RABEPK: variants seen among roughly 807,000 people sequenced by gnomAD.
The protein encoded by RABEPK is 40 kDa Rab9 effector protein.
Under a neutral mutation model 34.1 loss-of-function variants are expected in RABEPK, and 27 were observed. The ratio of observed to expected loss-of-function variants is 0.79; its 90% CI spans 0.58 to 1.09. The LOEUF is 1.09. Among genes scored for constraint, RABEPK ranks in the 50% least tolerant of loss-of-function variants. The probability of loss-of-function intolerance (pLI) is 0.00; values close to 1 mark genes in which losing one functional copy is unlikely to be tolerated. For synonymous variants in RABEPK, 172 were observed against 169.2 expected, an observed-to-expected ratio of 1.02 and a Z score of -0.13; for missense variants, 449 against 462.6, an observed-to-expected ratio of 0.97 and a Z score of 0.27.
At chr9:125,216,985 A>C (rs1348588354) in intron 4 of RABEPK, among the ~76,000 whole-genome samples, 1 of 151,736 alleles carries the variant, frequency 6.6e-6, no homozygotes, top group African/African-American at 2.4e-5. Context: ...AAAAAAAAGA[A>C]GAAAGTGATA....
chr9:125,218,321 CAAAAAAA>C (rs71374234), intron 4 of RABEPK, among the ~76,000 whole-genome samples: 22 of 41,166 alleles, frequency 5.3e-4, no homozygotes, highest in South Asian at 1.2e-3. Flanking sequence ...GACTCCGTCT[CAAAAAAA>C]AAAAAAAAAA....
In RABEPK at chr9:125,203,056, A is replaced by C. The variant is rs780883446; in HGVS notation, c.43A>C (p.Lys15Gln). 1 of 1,613,458 alleles carries C rather than the reference A, an allele frequency of 6.2e-7. No homozygotes were observed. The highest frequency in any genetic ancestry group is 1.1e-5 in the South Asian group (1 of 91,076). ...PVLEPGDKPR[K>Q]ATWYTLTVPG... ...CTTGGAACCTGGAGACAAGCCCAGGAAAGCAACATGGTCTGTAAGGAAGGA... is the reference window on the plus strand; with the variant it reads ...CTTGGAACCTGGAGACAAGCCCAGGCAAGCAACATGGTCTGTAAGGAAGGA... Residue 15 changes from lysine to glutamine, a missense_variant, in exon 2 of 8, where the codon AAA becomes CAA. Physicochemically the swap from Lys to Gln is moderately conservative, Grantham distance 53 (BLOSUM62 1). Transcript: ENST00000373538.
At chr9:125,227,043 G>A (rs1002739933) in intron 5 of RABEPK, among the ~76,000 whole-genome samples, 1 of 151,332 alleles carries the variant, frequency 6.6e-6, no homozygotes, top group Non-Finnish European at 1.5e-5. Flanking sequence ...GGTGTTGCAT[G>A]CCTGTAATCC....
In RABEPK at chr9:125,227,900, A is replaced by C; in HGVS notation, c.527-10A>C. 6.5e-7 allele frequency: 1 copy of C among 1,531,294 alleles called. No homozygotes were observed. Among genetic ancestry groups the C allele is most frequent in the Non-Finnish European group, 8.8e-7 (1 of 1,135,312 alleles). 94.9% of individuals were successfully genotyped at this position (1,531,294 alleles called of 1,614,324 possible). A position where few individuals can be genotyped will look rare whatever the true frequency, so the allele number is the denominator to read the frequency against. Reference sequence around the variant, plus strand: ...TTTGCCATTTGATGTTATTGAATTTACTTTTCTAGACACTCTGACCTGGTC... The same window carrying C: ...TTTGCCATTTGATGTTATTGAATTTCCTTTTCTAGACACTCTGACCTGGTC... On this transcript the variant is annotated splice_polypyrimidine_tract_variant and intron_variant, in intron 5 of 7. Transcript: ENST00000373538.
chr9:125,215,064 A>G (rs1317217020), intron 4 of RABEPK, among the ~76,000 whole-genome samples: 2 of 152,040 alleles, frequency 1.3e-5, no homozygotes, highest in African/African-American at 2.4e-5. Flanking sequence ...TGCTGGGATT[A>G]CAGGCATCAG....
intron 5 of RABEPK, chr9:125,221,058 G>A (rs1360622855): frequency 6.3e-6 from 1 of 159,602 alleles, no homozygotes; most frequent in African/African-American, 2.4e-5. Flanking sequence ...TTACTCAGGA[G>A]GCTGAGGCAG....
chr9:125,214,475 A>G (rs1830793400), intron 4 of RABEPK, among the ~76,000 whole-genome samples: 1 of 152,198 alleles, frequency 6.6e-6, no homozygotes, highest in Non-Finnish European at 1.5e-5. Flanking sequence ...CAAAAGTACA[A>G]AGTTCCTAAC....
chr9:125,202,784 C>G (rs1829989315), intron 1 of RABEPK, among the ~76,000 whole-genome samples: 1 of 152,034 alleles, frequency 6.6e-6, no homozygotes. Context: ...GAGCTGAGAT[C>G]TTGCCATTGC....
intron 2 of RABEPK, among the ~76,000 whole-genome samples, chr9:125,205,695 GC>G: frequency 6.6e-6 from 1 of 152,166 alleles, no homozygotes; most frequent in South Asian, 2.1e-4. Context: ...TCATCATGTT[GC>G]CCAGGATGGT....
At chr9:125,216,168 C>A (rs1317430290) in intron 4 of RABEPK, among the ~76,000 whole-genome samples, 1 of 152,050 alleles carries the variant, frequency 6.6e-6, no homozygotes. Context: ...TGGTGCATGC[C>A]TGTAGTCCCA....
Position 125,227,996 on chromosome 9 carries a change from C to T in RABEPK, c.613C>T (p.Leu205Phe), listed in dbSNP as rs1363233722. 3.1e-6 allele frequency: 5 copies of T among 1,607,244 alleles called. No individual in the cohort carries two copies. The highest frequency in any genetic ancestry group is 1.3e-5 in the African/African-American group (1 of 74,686). The change falls in exon 6 of 8, where the codon CTC becomes TTC. Residue 205 changes from leucine to phenylalanine, a missense_variant. Transcript: ENST00000373538. Reference protein sequence around the residue: ...GHVMVAAGTKLFIHGGLAGDR... With the variant: ...GHVMVAAGTKFFIHGGLAGDR... Reference sequence around the variant, plus strand: ...TGTGATGGTGGCAGCAGGGACAAAGCTCTTCATCCACGGAGGCTTGGCGGG... The same window carrying T: ...TGTGATGGTGGCAGCAGGGACAAAGTTCTTCATCCACGGAGGCTTGGCGGG...
intron 5 of RABEPK, among the ~76,000 whole-genome samples, chr9:125,226,149 CAAA>C (rs56728571): frequency 1.0e-4 from 10 of 96,432 alleles, no homozygotes; most frequent in Admixed American, 2.3e-4. Context: ...GACTTTGTCT[CAAA>C]AAAAAAAAAA....
At chr9:125,209,764 C>T (rs1490229819) in intron 3 of RABEPK, among the ~76,000 whole-genome samples, 4 of 152,170 alleles carry the variant, frequency 2.6e-5, no homozygotes, top group African/African-American at 9.6e-5. Flanking sequence ...ACAGATCCCT[C>T]TGCTAGGAAT....
At chr9:125,209,810 T>C (rs372635381) in intron 3 of RABEPK, among the ~76,000 whole-genome samples, 1 of 152,166 alleles carries the variant, frequency 6.6e-6, no homozygotes. Context: ...CTTCTCTATA[T>C]CTTTCAGATT....
rs745342326 is a variant in RABEPK, at chr9:125,210,702, G to A, written c.212-2668G>A. ...CAGTCTGGCAACAGAGCAAGACTCC[G>A]TCTCAAAAAAAAAAAAAAAAGAAAA... is the stretch of plus-strand genomic sequence containing the variant. On this transcript the variant is annotated intron_variant, in intron 3 of 7. Coordinates refer to ENST00000373538, the MANE Select transcript of RABEPK (RefSeq NM_005833.4). 2.9e-3 allele frequency among the ~76,000 whole-genome samples: 353 copies of A among 123,446 alleles called. 1 individual carries two copies. Among genetic ancestry groups the A allele is most frequent in the African/African-American group, 7.3e-3 (246 of 33,604 alleles). 81.0% of individuals were successfully genotyped at this position (123,446 alleles called of 152,430 possible).
chr9:125,217,624 T>A (rs1455616969), intron 4 of RABEPK, among the ~76,000 whole-genome samples: 1 of 152,120 alleles, frequency 6.6e-6, no homozygotes, highest in Admixed American at 6.6e-5. Context: ...CTAGAAAATA[T>A]AATTTGACAT....
intron 6 of RABEPK, 134 bp downstream of exon 6, chr9:125,228,193 T>C: frequency 1.4e-6 from 1 of 707,744 alleles, no homozygotes; most frequent in Non-Finnish European, 2.0e-6. Flanking sequence ...CCTCCAGGAC[T>C]CAAGTAATCC....
intron 6 of RABEPK, among the ~76,000 whole-genome samples, chr9:125,229,648 T>C (rs929589186): frequency 6.6e-6 from 1 of 152,252 alleles, no homozygotes; most frequent in Non-Finnish European, 1.5e-5. Flanking sequence ...CAACCCATTA[T>C]GCTTTGTGTT....
At chr9:125,227,240 G>A (rs946789626) in intron 5 of RABEPK, among the ~76,000 whole-genome samples, 1 of 151,914 alleles carries the variant, frequency 6.6e-6, no homozygotes, top group Non-Finnish European at 1.5e-5. Context: ...GACTCTGAAG[G>A]GCTGTCACAG....
Sources: gnomAD v4.1 joint callset for allele counts (sites outside exome capture counted in the v4.1 genomes callset) on GRCh38, gnomAD v4.1.1 for gene constraint, MANE v1.5 for transcripts, NCBI Gene and HGNC (gene_info 2026-07-23, HGNC 2026-07-21) for gene names.